Variants in UBR3 observed in about 807,000 individuals in gnomAD.
UBR3 encodes the protein E3 ubiquitin-protein ligase UBR3.
A neutral mutation model predicts 243.2 loss-of-function variants in UBR3; 85 were observed. The observed-to-expected ratio is 0.35, with a 90% confidence interval of 0.29 to 0.42. The LOEUF (loss-of-function observed/expected upper bound fraction) is 0.42, where lower values mean the gene tolerates loss of function less well. UBR3 is among the 10% of genes least tolerant of loss of function. UBR3 has a pLI of 1.00. For missense variants in UBR3, 1,686 were observed against 2,300.8 expected (o/e 0.73, Z 5.47); for synonymous variants, 748 against 799.8 (o/e 0.94, Z 1.09).
chr2:170,019,888 A>T (rs181184852), intron 30 of UBR3, among the ~76,000 whole-genome samples: 2 of 151,892 alleles, frequency 1.3e-5, no homozygotes, highest in African/African-American at 2.4e-5. Flanking sequence ...CATTCCTTCC[A>T]CCTCAGCCTC....
At chr2:169,939,773 A>G (rs759184568) in intron 19 of UBR3, among the ~76,000 whole-genome samples, 1 of 151,296 alleles carries the variant, frequency 6.6e-6, no homozygotes, top group African/African-American at 2.4e-5. Flanking sequence ...CATGTTGCCC[A>G]GGCTGGTCTT....
intron 32 of UBR3, among the ~76,000 whole-genome samples, chr2:170,043,040 A>T (rs960952011): frequency 6.6e-6 from 1 of 152,086 alleles, no homozygotes; most frequent in Non-Finnish European, 1.5e-5. Context: ...TTTACTCCTG[A>T]TTGTGCTCTT....
At chr2:170,063,284 A>G (rs2091489668) in intron 35 of UBR3, among the ~76,000 whole-genome samples, 1 of 152,176 alleles carries the variant, frequency 6.6e-6, no homozygotes, top group South Asian at 2.1e-4. Context: ...AACTTAATAG[A>G]AGGAGGAAAT....
At chr2:169,942,922 G>A (rs1400394757) in intron 20 of UBR3, among the ~76,000 whole-genome samples, 1 of 152,154 alleles carries the variant, frequency 6.6e-6, no homozygotes, top group African/African-American at 2.4e-5. Flanking sequence ...AACTACAGGA[G>A]GTGTGGAATG....
chr2:169,887,233 T>G (rs1241014859), intron 5 of UBR3, among the ~76,000 whole-genome samples: 3 of 152,234 alleles, frequency 2.0e-5, no homozygotes, highest in African/African-American at 7.2e-5. Flanking sequence ...CATGTAGCAA[T>G]AGTGCCTACT....
At chr2:169,857,596 T>C (rs1308789983) in intron 1 of UBR3, among the ~76,000 whole-genome samples, 1 of 151,604 alleles carries the variant, frequency 6.6e-6, no homozygotes, top group Non-Finnish European at 1.5e-5. Flanking sequence ...TTTTTTTTTT[T>C]TTTTATTTTT....
chr2:170,058,400 T>G (rs2091383893), intron 33 of UBR3, among the ~76,000 whole-genome samples: 1 of 152,154 alleles, frequency 6.6e-6, no homozygotes, highest in Admixed American at 6.6e-5. Flanking sequence ...TTAGTGTAAC[T>G]CATACTTTTT....
At chr2:169,834,237 C>T (rs954038268) in intron 1 of UBR3, among the ~76,000 whole-genome samples, 1 of 152,162 alleles carries the variant, frequency 6.6e-6, no homozygotes, top group Non-Finnish European at 1.5e-5. Flanking sequence ...AAAAGTAGAA[C>T]TGCTTCATTT....
rs990599201 is a variant in UBR3, at chr2:169,891,650, C to T, written c.1105+419C>T. Among the ~76,000 whole-genome samples the T allele has an allele frequency of 1.0e-4, 13 of 125,630 alleles. No homozygotes were observed. In the East Asian group the frequency reaches 3.0e-3, roughly 29 times the overall value. The allele number at this position is 125,630 out of a possible 152,430, so 82.4% of individuals were successfully genotyped here. On this transcript the variant is annotated intron_variant, in intron 6 of 38. Transcript: ENST00000272793. Reference sequence around the variant, plus strand: ...CACACACACACACACAGGGAATGAACAAATAGTACTTAACACGTCATAAAG... The same window carrying T: ...CACACACACACACACAGGGAATGAATAAATAGTACTTAACACGTCATAAAG...
At chr2:169,867,681 T>C (rs190507551) in intron 1 of UBR3, among the ~76,000 whole-genome samples, 74 of 152,328 alleles carry the variant, frequency 4.9e-4, no homozygotes, top group African/African-American at 1.7e-3. Context: ...AAAGGGAATC[T>C]TTCCTGATCT....
At position 169,922,622 on chromosome 2, in the gene UBR3, C is replaced by G. The variant is rs187133396; in HGVS notation, c.1867-1307C>G. ...TCCCCATTTCCTCTTCCCCCAGCTT[C>G]TGGCAACCACCATTCTACTTTGTAT... On this transcript the variant is annotated intron_variant, in intron 11 of 38. Coordinates refer to ENST00000272793, the MANE Select transcript of UBR3 (RefSeq NM_172070.4). Among the ~76,000 whole-genome samples the G allele has an allele frequency of 2.0e-5, 3 of 152,290 alleles. No homozygotes were observed. In the East Asian group the frequency reaches 5.8e-4, roughly 29 times the overall value.
intron 30 of UBR3, among the ~76,000 whole-genome samples, chr2:170,023,099 T>G (rs1272127662): frequency 6.6e-6 from 1 of 152,094 alleles, no homozygotes; most frequent in African/African-American, 2.4e-5. Flanking sequence ...GATTTTTTTC[T>G]CCACCCCCAT....
intron 32 of UBR3, among the ~76,000 whole-genome samples, chr2:170,047,105 C>A (rs183680325): frequency 1.3e-5 from 2 of 152,250 alleles, no homozygotes; most frequent in Admixed American, 1.3e-4. Context: ...AGCAGTCCTC[C>A]TGCCTCAGAC....
At chr2:169,927,493 A>C in intron 17 of UBR3, 88 bp downstream of exon 17, 1 of 1,074,864 alleles carries the variant, frequency 9.3e-7, no homozygotes. Context: ...TTTTTGATTA[A>C]TTTTTTTTCA....
intron 33 of UBR3, among the ~76,000 whole-genome samples, 157 bp from the exon 34 acceptor site, chr2:170,060,922 A>G (rs910922301): frequency 1.3e-5 from 2 of 152,206 alleles, no homozygotes; most frequent in African/African-American, 4.8e-5. Context: ...TTGTGAATCC[A>G]GAGGTGTACA....
intron 24 of UBR3, among the ~76,000 whole-genome samples, chr2:169,976,581 A>G (rs1256623871): frequency 6.6e-6 from 1 of 152,132 alleles, no homozygotes; most frequent in Non-Finnish European, 1.5e-5. Context: ...CTTTGAAAAT[A>G]TCTATTTTTT....
rs181787989 is a variant in UBR3 at position 169,929,053 on chromosome 2, A to G, written c.2566+185A>G. Among the ~76,000 whole-genome samples, 689 of 152,340 alleles carry G rather than the reference A, an allele frequency of 4.5e-3. 3 individuals are homozygous for G. Among genetic ancestry groups the G allele is most frequent in the Non-Finnish European group, 7.1e-3 (482 of 68,026 alleles). On this transcript the variant is annotated intron_variant, in intron 18 of 38. Transcript: ENST00000272793. ...ACTGCTTTCAATTACTTAGAAATCT[A>G]TAGCTTTATGTTACACTAAGACTTC...
rs1279934080 is a variant in UBR3 at position 169,890,553 on chromosome 2, A to ATGTG, written c.1039-611_1039-610insGTGT. On this transcript the variant is annotated intron_variant, in intron 5 of 38. Transcript: ENST00000272793. ...GAGAGAGAGAGAGATATATATATAT[A>ATGTG]TATATATATATGTGTATATATATAT... Among the ~76,000 whole-genome samples the ATGTG allele has an allele frequency of 1.2e-4, 12 of 96,362 alleles. 1 individual carries two copies. Among genetic ancestry groups the ATGTG allele is most frequent in the African/African-American group, 5.8e-4 (11 of 18,992 alleles). The allele number at this position is 96,362 out of a possible 152,430, so 63.2% of individuals were successfully genotyped here.
chr2:169,952,419 G>C (rs922634095), intron 23 of UBR3, among the ~76,000 whole-genome samples: 1 of 152,174 alleles, frequency 6.6e-6, no homozygotes, highest in African/African-American at 2.4e-5. Flanking sequence ...CACATATATA[G>C]TTACACTACA....
Sources: gnomAD v4.1 joint callset for allele counts (sites outside exome capture counted in the v4.1 genomes callset) on GRCh38, gnomAD v4.1.1 for gene constraint, MANE v1.5 for transcripts, NCBI Gene and HGNC (gene_info 2026-07-23, HGNC 2026-07-21) for gene names.